GALNTL6: variants seen among roughly 807,000 people sequenced by gnomAD.
The protein encoded by GALNTL6 is polypeptide N-acetylgalactosaminyltransferase-like 6.
In GALNTL6, 46 loss-of-function variants were observed where a neutral mutation model predicts 73.7. The ratio of observed to expected loss-of-function variants is 0.62; its 90% CI spans 0.49 to 0.80. The LOEUF (loss-of-function observed/expected upper bound fraction) is 0.80. Ranked by LOEUF, GALNTL6 falls within the 30% of genes least tolerant of loss-of-function variation. The probability of loss-of-function intolerance (pLI) is 0.00; values close to 1 mark genes in which losing one functional copy is unlikely to be tolerated. For synonymous variants in GALNTL6, 259 were observed against 263.7 expected, an observed-to-expected ratio of 0.98 and a Z score of 0.17; for missense variants, 604 against 755.0, an observed-to-expected ratio of 0.80 and a Z score of 2.34.
chr4:172,821,443 T>C (rs890323053), intron 7 of GALNTL6, among the ~76,000 whole-genome samples: 1 of 152,202 alleles, frequency 6.6e-6, no homozygotes, highest in Non-Finnish European at 1.5e-5. Context: ...CTAAGTGAAG[T>C]AGTTTTGTCA....
chr4:172,848,720 C>T (rs887102558), intron 7 of GALNTL6, among the ~76,000 whole-genome samples: 16 of 152,184 alleles, frequency 1.1e-4, no homozygotes, highest in Non-Finnish European at 2.2e-4. Flanking sequence ...CCAACCTTGT[C>T]CTCCAAATAA....
At chr4:172,710,889 T>C (rs1194808032) in intron 5 of GALNTL6, among the ~76,000 whole-genome samples, 1 of 152,154 alleles carries the variant, frequency 6.6e-6, no homozygotes, top group Non-Finnish European at 1.5e-5. Flanking sequence ...AAATATTTAT[T>C]CAACAATTAT....
At chr4:172,444,813 T>G (rs1339372359) in intron 5 of GALNTL6, among the ~76,000 whole-genome samples, 3 of 152,128 alleles carry the variant, frequency 2.0e-5, no homozygotes, top group African/African-American at 4.8e-5. Flanking sequence ...TCTATGTTCT[T>G]AAATCCTGAA....
chr4:172,457,807 C>A (rs1356151194), intron 5 of GALNTL6, among the ~76,000 whole-genome samples: 2 of 152,148 alleles, frequency 1.3e-5, no homozygotes. Flanking sequence ...ATCAACGAGA[C>A]AGAAAATTAA....
intron 10 of GALNTL6, among the ~76,000 whole-genome samples, chr4:172,959,235 A>G (rs1357721183): frequency 2.6e-5 from 4 of 152,006 alleles, no homozygotes; most frequent in Admixed American, 2.6e-4. Flanking sequence ...AGATACAAGG[A>G]GAGGATGTGA....
At chr4:172,015,328 C>T (rs916892978) in intron 2 of GALNTL6, among the ~76,000 whole-genome samples, 2 of 151,862 alleles carry the variant, frequency 1.3e-5, no homozygotes, top group African/African-American at 4.8e-5. Context: ...CTCTTTGTTG[C>T]TTTAAGGTAT....
intron 2 of GALNTL6, among the ~76,000 whole-genome samples, chr4:172,008,764 C>G (rs1441994701): frequency 1.3e-5 from 2 of 152,058 alleles, no homozygotes; most frequent in Non-Finnish European, 2.9e-5. Context: ...TTCCATCTAT[C>G]CCTTCACCAG....
intron 7 of GALNTL6, among the ~76,000 whole-genome samples, chr4:172,841,612 A>G (rs1404478660): frequency 6.6e-6 from 1 of 152,212 alleles, no homozygotes; most frequent in Admixed American, 6.5e-5. Context: ...GGAAACAGGC[A>G]TGTCTTACAC....
intron 2 of GALNTL6, among the ~76,000 whole-genome samples, chr4:172,122,825 A>T (rs150220838): frequency 6.6e-6 from 1 of 152,108 alleles, no homozygotes; most frequent in Non-Finnish European, 1.5e-5. Flanking sequence ...CCTGGGGGGA[A>T]CCCTTACCTG....
intron 5 of GALNTL6, among the ~76,000 whole-genome samples, chr4:172,483,290 A>G (rs1307374012): frequency 2.0e-5 from 3 of 152,170 alleles, no homozygotes; most frequent in African/African-American, 7.2e-5. Flanking sequence ...CCTGAGATGA[A>G]ACTTTGAAGG....
chr4:172,005,931 T>G (rs1401973888), intron 2 of GALNTL6, among the ~76,000 whole-genome samples: 1 of 152,210 alleles, frequency 6.6e-6, no homozygotes, highest in South Asian at 2.1e-4. Flanking sequence ...ATATTGTGAT[T>G]CTTTTTGTCA....
intron 2 of GALNTL6, among the ~76,000 whole-genome samples, chr4:172,085,491 C>T (rs926566284): frequency 3.3e-5 from 5 of 151,848 alleles, no homozygotes; most frequent in Non-Finnish European, 7.4e-5. Context: ...AGTTTGAGAC[C>T]AGCTTGGGCA....
rs1299472574 is a variant in GALNTL6 at position 173,019,622 on chromosome 4, G to GA, written c.1489-1848dup. ...CACAATTATACTTTAAAAACTCTAG[G>GA]AAAAAAGACTACACAATTCATCTTC... On this transcript the variant is annotated intron_variant, in intron 11 of 12. Coordinates refer to ENST00000506823, the MANE Select transcript of GALNTL6 (RefSeq NM_001034845.3). Among the ~76,000 whole-genome samples the GA allele has an allele frequency of 2.6e-5, 4 of 152,114 alleles. No homozygotes were observed. The South Asian group carries it at 6.2e-4, about 24-fold the overall frequency.
intron 7 of GALNTL6, among the ~76,000 whole-genome samples, chr4:172,856,018 G>C (rs1744105908): frequency 6.6e-6 from 1 of 152,126 alleles, no homozygotes; most frequent in Non-Finnish European, 1.5e-5. Context: ...TGCTTATGAA[G>C]GACAGTTGAC....
chr4:171,909,035 C>T (rs901925174), intron 2 of GALNTL6, among the ~76,000 whole-genome samples: 154 of 150,456 alleles, frequency 1.0e-3, no homozygotes, highest in Non-Finnish European at 1.0e-3. Context: ...GGGAGATATA[C>T]CTAATGCTAG....
At chr4:172,354,000 C>G (rs940935314) in intron 5 of GALNTL6, among the ~76,000 whole-genome samples, 1 of 152,082 alleles carries the variant, frequency 6.6e-6, no homozygotes, top group African/African-American at 2.4e-5. Context: ...AGTTTTACAA[C>G]TATTCGAAGT....
intron 2 of GALNTL6, among the ~76,000 whole-genome samples, chr4:172,069,571 A>G (rs1324896827): frequency 3.9e-5 from 1 of 25,394 alleles, no homozygotes; most frequent in African/African-American, 1.3e-4. Flanking sequence ...TATAACACAT[A>G]TATGTTATAT....
intron 4 of GALNTL6, among the ~76,000 whole-genome samples, chr4:172,312,594 T>A (rs977987871): frequency 1.3e-5 from 2 of 151,974 alleles, no homozygotes; most frequent in African/African-American, 4.8e-5. Flanking sequence ...GAAACCCTGG[T>A]GTGAGAGAGA....
chr4:172,340,832 T>G (rs1578973385), intron 4 of GALNTL6, among the ~76,000 whole-genome samples: 1 of 152,350 alleles, frequency 6.6e-6, no homozygotes, highest in East Asian at 1.9e-4. Flanking sequence ...TAATCCATTC[T>G]TGGGTTTTAT....
Sources: gnomAD v4.1 joint callset for allele counts (sites outside exome capture counted in the v4.1 genomes callset) on GRCh38, gnomAD v4.1.1 for gene constraint, MANE v1.5 for transcripts, NCBI Gene and HGNC (gene_info 2026-07-23, HGNC 2026-07-21) for gene names.